UNC5C: variants seen among roughly 807,000 people sequenced by gnomAD.
The protein encoded by UNC5C is unc-5 netrin receptor C, also known as netrin receptor UNC5C.
A neutral mutation model predicts 99.8 loss-of-function variants in UNC5C; 47 were observed. The ratio of observed to expected loss-of-function variants is 0.47; its 90% CI spans 0.37 to 0.60. The LOEUF (loss-of-function observed/expected upper bound fraction) is 0.60. UNC5C is among the 20% of genes least tolerant of loss of function. The pLI is 0.00. For missense variants in UNC5C, 1,062 were observed against 1,165.9 expected (o/e 0.91, Z 1.30); for synonymous variants, 487 against 452.2 (o/e 1.08, Z -0.98).
At chr4:95,189,870 G>T (rs2149353897) in intron 12 of UNC5C, among the ~76,000 whole-genome samples, 1 of 152,306 alleles carries the variant, frequency 6.6e-6, no homozygotes, top group East Asian at 1.9e-4. Context: ...TGGAGAAATA[G>T]GAACACTTTT....
chr4:95,396,961 C>A (rs12503036), intron 1 of UNC5C, among the ~76,000 whole-genome samples: 6,107 of 152,098 alleles, frequency 0.04, 252 homozygotes, highest in East Asian at 0.18. Flanking sequence ...TCAACATTTA[C>A]GAAGCCCCTC....
rs373699296 is a variant in UNC5C at position 95,308,407 on chromosome 4, A to G, written c.347-6658T>C. Reference sequence around the variant, plus strand: ...ATAAATTTAACCAAAGAGATGAAAGAGCTGTACACTGCAAACAATAAAACA... The same window carrying G: ...ATAAATTTAACCAAAGAGATGAAAGGGCTGTACACTGCAAACAATAAAACA... On this transcript the variant is annotated intron_variant, in intron 2 of 15. Transcript: ENST00000453304. 2.1e-4 allele frequency among the ~76,000 whole-genome samples: 32 copies of G among 152,278 alleles called. No individual in the cohort carries two copies. The East Asian group carries it at 2.1e-3, about 10-fold the overall frequency.
intron 2 of UNC5C, among the ~76,000 whole-genome samples, chr4:95,324,436 A>G (rs1199089978): frequency 6.6e-6 from 1 of 152,154 alleles, no homozygotes; most frequent in East Asian, 1.9e-4. Flanking sequence ...TATATATTAC[A>G]ATGTAATAAT....
intron 2 of UNC5C, among the ~76,000 whole-genome samples, chr4:95,331,344 A>G (rs888771045): frequency 3.3e-5 from 5 of 152,102 alleles, no homozygotes; most frequent in African/African-American, 1.2e-4. Context: ...AAGTAGTGGT[A>G]TTGCTGGATT....
At chr4:95,187,874 A>G (rs1016428817) in intron 12 of UNC5C, among the ~76,000 whole-genome samples, 2 of 152,152 alleles carry the variant, frequency 1.3e-5, no homozygotes, top group Non-Finnish European at 1.5e-5. Context: ...CTCCCTTCCA[A>G]TGGGACATAA....
intron 13 of UNC5C, among the ~76,000 whole-genome samples, chr4:95,183,910 A>G (rs1163460581): frequency 6.6e-6 from 1 of 152,240 alleles, no homozygotes; most frequent in Non-Finnish European, 1.5e-5. Flanking sequence ...GGGTTAAATG[A>G]GCTAAACCAA....
intron 10 of UNC5C, among the ~76,000 whole-genome samples, chr4:95,213,562 C>T (rs1210833278): frequency 2.6e-5 from 4 of 152,184 alleles, no homozygotes; most frequent in Non-Finnish European, 2.9e-5. Context: ...GATAAGACCC[C>T]TCTTGTCACA....
intron 7 of UNC5C, 129 bp from the exon 8 acceptor site, chr4:95,220,305 G>T: frequency 1.0e-6 from 1 of 964,094 alleles, no homozygotes; most frequent in Non-Finnish European, 1.5e-6. Flanking sequence ...TATTTCAAAA[G>T]CTATATAAAA....
At chr4:95,260,921 A>C (rs1279785599) in intron 4 of UNC5C, among the ~76,000 whole-genome samples, 1 of 152,184 alleles carries the variant, frequency 6.6e-6, no homozygotes, top group African/African-American at 2.4e-5. Flanking sequence ...TCCTCACAGC[A>C]GCCTGTGAAA....
At chr4:95,261,091 A>G (rs1341602467) in intron 4 of UNC5C, among the ~76,000 whole-genome samples, 1 of 152,160 alleles carries the variant, frequency 6.6e-6, no homozygotes, top group East Asian at 1.9e-4. Context: ...GGAGGAGCCA[A>G]CTACAGTGCT....
At chr4:95,387,084 C>A (rs553578238) in intron 1 of UNC5C, among the ~76,000 whole-genome samples, 7 of 150,550 alleles carry the variant, frequency 4.6e-5, no homozygotes, top group Non-Finnish European at 1.0e-4. Flanking sequence ...TTTATGTTTT[C>A]TTTGAAATGG....
intron 1 of UNC5C, among the ~76,000 whole-genome samples, chr4:95,525,855 C>G (rs1722486494): frequency 6.6e-6 from 1 of 152,088 alleles, no homozygotes. Flanking sequence ...AAAATAGATT[C>G]TAGGTTTGTC....
intron 4 of UNC5C, among the ~76,000 whole-genome samples, chr4:95,277,291 A>G (rs1740897776): frequency 6.6e-6 from 1 of 152,170 alleles, no homozygotes; most frequent in African/African-American, 2.4e-5. Flanking sequence ...TAGAGAGTAA[A>G]ACTTTCAAAT....
intron 1 of UNC5C, among the ~76,000 whole-genome samples, chr4:95,397,609 A>G (rs1405415315): frequency 6.6e-6 from 1 of 152,246 alleles, no homozygotes; most frequent in Non-Finnish European, 1.5e-5. Context: ...TAAATTGCAA[A>G]TAGAAACTTA....
At chr4:95,502,048 C>T (rs940484433) in intron 1 of UNC5C, among the ~76,000 whole-genome samples, 13 of 151,976 alleles carry the variant, frequency 8.6e-5, no homozygotes, top group African/African-American at 1.7e-4. Context: ...AAAAGTATGG[C>T]CCATTAGTTG....
chr4:95,279,040 T>C (rs922186924), intron 3 of UNC5C, among the ~76,000 whole-genome samples: 6 of 152,182 alleles, frequency 3.9e-5, no homozygotes, highest in African/African-American at 1.4e-4. Context: ...ACAGATTCCC[T>C]TATGTATATA....
chr4:95,520,028 G>A (rs575331361), intron 1 of UNC5C, among the ~76,000 whole-genome samples: 7 of 152,308 alleles, frequency 4.6e-5, no homozygotes, highest in East Asian at 1.9e-4. Flanking sequence ...TTTCCGCTAA[G>A]AGGAAGTAGG....
At chr4:95,540,975 A>G (rs1722903237) in intron 1 of UNC5C, among the ~76,000 whole-genome samples, 2 of 152,320 alleles carry the variant, frequency 1.3e-5, no homozygotes, top group Admixed American at 6.5e-5. Flanking sequence ...TCTTTGATCT[A>G]GTTCTTCAAA....
chr4:95,503,896 TAACAA>T (rs1721842777), intron 1 of UNC5C, among the ~76,000 whole-genome samples: 2 of 152,160 alleles, frequency 1.3e-5, no homozygotes, highest in Non-Finnish European at 1.5e-5. Flanking sequence ...ATCCTTGATA[TAACAA>T]AACAAATTCT....
Sources: allele counts gnomAD v4.1 joint callset (sites outside exome capture counted in the v4.1 genomes callset), GRCh38; gene constraint gnomAD v4.1.1; transcripts MANE v1.5; gene names NCBI Gene and HGNC (gene_info 2026-07-23, HGNC 2026-07-21).